The following PTPRD variants were observed in gnomAD, a reference collection of about 807,000 sequenced individuals.
The protein encoded by PTPRD is receptor-type tyrosine-protein phosphatase delta.
A neutral mutation model predicts 214.5 loss-of-function variants in PTPRD; 34 were observed. The ratio of observed to expected loss-of-function variants is 0.16; its 90% CI spans 0.12 to 0.21. PTPRD has a LOEUF of 0.21. Among genes scored for constraint, PTPRD ranks in the 10% least tolerant of loss-of-function variants. PTPRD has a pLI of 1.00. For missense variants in PTPRD, 2,545 were observed against 2,398.7 expected (o/e 1.06, Z -1.27); for synonymous variants, 1,128 against 845.7 (o/e 1.33, Z -5.79).
intron 9 of PTPRD, among the ~76,000 whole-genome samples, chr9:9,293,582 T>C (rs1316536953): frequency 6.6e-6 from 1 of 151,542 alleles, no homozygotes; most frequent in East Asian, 2.0e-4. Context: ...CTACTGGTGG[T>C]TGGTTTTAGG....
At chr9:8,868,378 T>A (rs369575506) in intron 11 of PTPRD, among the ~76,000 whole-genome samples, 3 of 152,134 alleles carry the variant, frequency 2.0e-5, no homozygotes, top group East Asian at 1.9e-4. Flanking sequence ...TTTTTTTGTA[T>A]TTTTAGTAGA....
chr9:9,805,530 A>G (rs1482179648), intron 5 of PTPRD, among the ~76,000 whole-genome samples: 1 of 152,200 alleles, frequency 6.6e-6, no homozygotes, highest in Non-Finnish European at 1.5e-5. Context: ...ACCCTTTCAG[A>G]TTAGTTTTAC....
intron 14 of PTPRD, among the ~76,000 whole-genome samples, chr9:8,555,221 T>C (rs1358193663): frequency 1.3e-5 from 2 of 151,850 alleles, no homozygotes; most frequent in Non-Finnish European, 2.9e-5. Context: ...CTGGGCAACA[T>C]GGCAAGACCC....
intron 5 of PTPRD, among the ~76,000 whole-genome samples, chr9:9,832,385 T>C (rs1250981736): frequency 1.3e-5 from 2 of 151,938 alleles, no homozygotes; most frequent in African/African-American, 4.8e-5. Flanking sequence ...ACCAAAATAA[T>C]AGATAATTCA....
intron 10 of PTPRD, among the ~76,000 whole-genome samples, chr9:9,174,107 A>G (rs1340325547): frequency 6.6e-6 from 1 of 152,174 alleles, no homozygotes; most frequent in Non-Finnish European, 1.5e-5. Context: ...ACTATAAAAC[A>G]GAAATATATT....
chr9:9,213,873 C>G (rs951046614), intron 9 of PTPRD, among the ~76,000 whole-genome samples: 1 of 152,120 alleles, frequency 6.6e-6, no homozygotes, highest in South Asian at 2.1e-4. Context: ...TTCTGAGGGT[C>G]TCCTTATCCC....
chr9:8,375,788 G>T, intron 39 of PTPRD, 148 bp downstream of exon 39: 2 of 826,464 alleles, frequency 2.4e-6, no homozygotes, highest in East Asian at 5.7e-5. Flanking sequence ...TCCTATTGAT[G>T]TTAGCATAGG....
chr9:10,590,678 G>T (rs527940282), intron 2 of PTPRD, among the ~76,000 whole-genome samples: 8 of 151,678 alleles, frequency 5.3e-5, no homozygotes, highest in African/African-American at 1.7e-4. Flanking sequence ...GTATTCCTTT[G>T]TATGGAAATA....
chr9:8,418,344 G>C (rs1443905154), intron 35 of PTPRD, among the ~76,000 whole-genome samples: 1 of 151,764 alleles, frequency 6.6e-6, no homozygotes, highest in Non-Finnish European at 1.5e-5. Flanking sequence ...CCACTATCAT[G>C]TGTTACAGAC....
At chr9:8,902,126 T>C (rs1251516850) in intron 11 of PTPRD, among the ~76,000 whole-genome samples, 1 of 140,660 alleles carries the variant, frequency 7.1e-6, no homozygotes, top group African/African-American at 3.0e-5. Flanking sequence ...TATGCACATA[T>C]TGACATAATA....
At chr9:9,978,558 A>G (rs2095437359) in intron 4 of PTPRD, among the ~76,000 whole-genome samples, 1 of 152,156 alleles carries the variant, frequency 6.6e-6, no homozygotes, top group South Asian at 2.1e-4. Context: ...CAGAGCATTA[A>G]GAGGCATGGG....
In PTPRD at chr9:10,016,673, G is replaced by GT. The variant is rs371944242; in HGVS notation, c.-472+17044dup. The stretch of plus-strand genomic sequence containing the variant: ...CTACTGAAAATGCCTCCTGTGGGTT[G>GT]TTTTTTTTTTCCACAGAATTTTGTT... On this transcript the variant is annotated intron_variant, in intron 4 of 45. Transcript: ENST00000381196. Among the ~76,000 whole-genome samples the GT allele has an allele frequency of 3.9e-3, 573 of 148,280 alleles. 2 individuals carry two copies. The highest frequency in any genetic ancestry group is 0.013 in the African/African-American group (509 of 40,486).
intron 3 of PTPRD, among the ~76,000 whole-genome samples, chr9:10,259,227 T>C (rs2093523067): frequency 6.6e-6 from 1 of 152,004 alleles, no homozygotes; most frequent in Non-Finnish European, 1.5e-5. Context: ...GGTTTCACCG[T>C]GTTAGTCAGG....
chr9:10,365,723 A>G (rs1330754101), intron 2 of PTPRD, among the ~76,000 whole-genome samples: 1 of 152,094 alleles, frequency 6.6e-6, no homozygotes, highest in Non-Finnish European at 1.5e-5. Flanking sequence ...ATGGTTTTCT[A>G]TTTTCTACTT....
intron 11 of PTPRD, among the ~76,000 whole-genome samples, chr9:8,887,724 A>G (rs1193517601): frequency 6.6e-6 from 1 of 152,230 alleles, no homozygotes; most frequent in African/African-American, 2.4e-5. Context: ...CTACACTTGC[A>G]GAACACAAAA....
At chr9:10,146,492 T>C (rs2099023795) in intron 3 of PTPRD, among the ~76,000 whole-genome samples, 1 of 152,092 alleles carries the variant, frequency 6.6e-6, no homozygotes, top group Non-Finnish European at 1.5e-5. Flanking sequence ...CGGTTGAAAT[T>C]ATGACCTCAG....
At chr9:9,175,815 A>G (rs1213228501) in intron 10 of PTPRD, among the ~76,000 whole-genome samples, 1 of 152,058 alleles carries the variant, frequency 6.6e-6, no homozygotes, top group Admixed American at 6.6e-5. Context: ...GGATCACATC[A>G]TTGAGTATTT....
intron 2 of PTPRD, among the ~76,000 whole-genome samples, chr9:10,603,640 T>A (rs928504150): frequency 6.6e-6 from 1 of 151,924 alleles, no homozygotes; most frequent in Non-Finnish European, 1.5e-5. Flanking sequence ...GATATGGGTA[T>A]AAATAAGTTA....
chr9:9,650,036 C>T (rs765116800), intron 7 of PTPRD, among the ~76,000 whole-genome samples: 4 of 152,098 alleles, frequency 2.6e-5, no homozygotes, highest in Non-Finnish European at 5.9e-5. Context: ...ACCAAAATCT[C>T]ATCTCAAATT....
Sources: gnomAD v4.1 joint callset for allele counts (sites outside exome capture counted in the v4.1 genomes callset) on GRCh38, gnomAD v4.1.1 for gene constraint, MANE v1.5 for transcripts, NCBI Gene and HGNC (gene_info 2026-07-23, HGNC 2026-07-21) for gene names.